The following MACROH2A1 variants were observed in gnomAD, a reference collection of about 807,000 sequenced individuals.
MACROH2A1 encodes the protein macroH2A.1 histone, also known as core histone macro-H2A.1.
A neutral mutation model predicts 31.6 loss-of-function variants in MACROH2A1; 2 were observed. The ratio of observed to expected loss-of-function variants is 0.06; its 90% CI spans 0.03 to 0.20. MACROH2A1 has a LOEUF of 0.20. Among genes scored for constraint, MACROH2A1 ranks in the 10% least tolerant of loss-of-function variants. The pLI, the probability that MACROH2A1 is intolerant of heterozygous loss-of-function variation, is 1.00. For synonymous variants in MACROH2A1, 169 were observed against 189.6 expected (o/e 0.89, Z 0.89); for missense variants, 230 against 474.0 (o/e 0.49, Z 4.78).
chr5:135,383,700 GGTGTGTGTGTGT>G (rs61338247), intron 2 of MACROH2A1, among the ~76,000 whole-genome samples: 6,544 of 137,202 alleles, frequency 0.048, 180 homozygotes, highest in African/African-American at 0.079. Context: ...GATGTGGTGT[GGTGTGTGTGTGT>G]GTGTGTGTGT....
At chr5:135,388,893 G>A (rs1258633933) in intron 2 of MACROH2A1, 29 bp downstream of exon 2, 1 of 1,545,028 alleles carries the variant, frequency 6.5e-7, no homozygotes, top group Non-Finnish European at 8.8e-7. Context: ...TTAAGCCAGT[G>A]GTGTCTGGGT....
At chr5:135,390,467 A>T (rs1402145172) in intron 1 of MACROH2A1, among the ~76,000 whole-genome samples, 2 of 152,220 alleles carry the variant, frequency 1.3e-5, no homozygotes, top group Non-Finnish European at 2.9e-5. Context: ...GAAAAAGACA[A>T]TAAATAACCC....
chr5:135,352,185 A>G (rs1161716149), intron 6 of MACROH2A1, among the ~76,000 whole-genome samples: 1 of 152,256 alleles, frequency 6.6e-6, no homozygotes, highest in Non-Finnish European at 1.5e-5. Flanking sequence ...TCCCCTGGCA[A>G]GCCTCTACAT....
rs376708206 is a variant in MACROH2A1 at position 135,369,359 on chromosome 5, C to T, written c.477+47G>A. 56 of 1,495,310 alleles carry T rather than the reference C, an allele frequency of 3.7e-5. No homozygotes were observed. Among genetic ancestry groups the T allele is most frequent in the Admixed American group, 2.0e-4 (12 of 59,596 alleles). The allele number at this position is 1,495,310 out of a possible 1,614,324, so 92.6% of individuals were successfully genotyped here. ...GGGTGCCCTGGTAACCCTGTTTATC[C>T]GTACCCCATCCTATCCCACTTCATA... On this transcript the variant is annotated intron_variant, in intron 4 of 8. Transcript: ENST00000511689. The surrounding 1 kb of genome is among the most constrained non-coding windows in gnomAD (Gnocchi z 4.3).
chr5:135,381,076 G>A (rs1765594951), intron 2 of MACROH2A1, among the ~76,000 whole-genome samples: 1 of 152,202 alleles, frequency 6.6e-6, no homozygotes, highest in African/African-American at 2.4e-5. Flanking sequence ...AGCACTAATT[G>A]TATCTAGAAA....
chr5:135,343,238 C>G, intron 8 of MACROH2A1, 22 bp downstream of exon 8: 1 of 1,613,262 alleles, frequency 6.2e-7, no homozygotes, highest in Non-Finnish European at 8.5e-7. Context: ...ATGACCGATA[C>G]GTAACAAGCA....
At chr5:135,370,469 G>T (rs1330111198) in intron 2 of MACROH2A1, among the ~76,000 whole-genome samples, 6 of 152,218 alleles carry the variant, frequency 3.9e-5, no homozygotes, top group Admixed American at 3.9e-4. Context: ...AAGGGTGCTT[G>T]CAGTTAGCAC....
At chr5:135,347,563 G>A (rs1320243026) in intron 6 of MACROH2A1, 1 of 152,286 alleles carries the variant, frequency 6.6e-6, no homozygotes, top group Non-Finnish European at 1.5e-5. Context: ...CACACCTGTT[G>A]CTGCTGCATG....
At position 135,346,038 on chromosome 5, in the gene MACROH2A1, T is replaced by G; in HGVS notation, c.708A>C (p.Lys236Asn). The change falls in exon 7 of 9, where the codon AAA (lysine) becomes AAC (asparagine). Residue 236 changes from lysine to asparagine, a missense_variant. Around this residue, in one of 2 missense-constraint regions of MACROH2A1, gnomAD observed 183 missense variants for 319.3 expected, o/e 0.57. Transcript: ENST00000511689. Reference protein sequence around the residue: ...KDDLGNTLEKKGGKEFVEAVL... With the variant: ...KDDLGNTLEKNGGKEFVEAVL... ...CAGCTTCCACAAACTCCTTGCCACC[T>G]TTCTTCTCCAGCGTGTTTCCTAGAC... The G allele has an allele frequency of 6.2e-7, 1 of 1,613,706 alleles. No homozygotes were observed. Among genetic ancestry groups the G allele is most frequent in the Non-Finnish European group, 8.5e-7 (1 of 1,179,592 alleles).
chr5:135,370,586 T>G (rs1764058529), intron 2 of MACROH2A1, among the ~76,000 whole-genome samples: 1 of 152,232 alleles, frequency 6.6e-6, no homozygotes, highest in Non-Finnish European at 1.5e-5. Flanking sequence ...TGAGGAGGCC[T>G]GTTAAATCTT....
intron 8 of MACROH2A1, chr5:135,337,850 C>A: frequency 1.4e-6 from 1 of 706,748 alleles, no homozygotes; most frequent in Non-Finnish European, 1.8e-6. Flanking sequence ...GCAAGCATTT[C>A]AGGGTTGTTG....
chr5:135,364,569 C>A (rs1436462006), intron 4 of MACROH2A1, among the ~76,000 whole-genome samples: 1 of 152,114 alleles, frequency 6.6e-6, no homozygotes, highest in African/African-American at 2.4e-5. Flanking sequence ...TCCTACAAAC[C>A]CATAAATTTC....
chr5:135,378,369 C>A (rs985893619), intron 2 of MACROH2A1, among the ~76,000 whole-genome samples: 1 of 152,152 alleles, frequency 6.6e-6, no homozygotes, highest in East Asian at 1.9e-4. Flanking sequence ...CCTGCCTGTG[C>A]GCTCTAGACT....
At chr5:135,357,868 C>A in intron 5 of MACROH2A1, 1 of 985,246 alleles carries the variant, frequency 1.0e-6, no homozygotes, top group Non-Finnish European at 1.2e-6. Flanking sequence ...GCTCCTAAGC[C>A]TGGGCCATGC....
At position 135,373,796 on chromosome 5, in the gene MACROH2A1, AGG is replaced by A. The variant is rs1764501446; in HGVS notation, c.173-3656_173-3655del. ...TGCCTCTCCATACTCCTACCACCAT[AGG>A]GTGGGCCCTCAGCCCTGTGGGTAGG... On this transcript the variant is annotated intron_variant, in intron 2 of 8. Coordinates refer to ENST00000511689, the MANE Select transcript of MACROH2A1 (RefSeq NM_138610.3). Among the ~76,000 whole-genome samples the A allele has an allele frequency of 2.0e-5, 3 of 152,340 alleles. No individual in the cohort carries two copies. In the South Asian group the frequency reaches 6.2e-4, roughly 32 times the overall value.
chr5:135,351,485 C>CT (rs1467172874), intron 6 of MACROH2A1: 2 of 142,294 alleles, frequency 1.4e-5, no homozygotes, highest in Non-Finnish European at 3.0e-5. Context: ...GGGCCGATCT[C>CT]TATCAATATT....
intron 8 of MACROH2A1, chr5:135,343,021 C>T (rs529357256): frequency 4.6e-6 from 4 of 878,640 alleles, no homozygotes; most frequent in Non-Finnish European, 6.6e-6. Context: ...CTGGGTTCCC[C>T]TTCTGTGATG....
chr5:135,340,443 T>C (rs1000333243), intron 8 of MACROH2A1, among the ~76,000 whole-genome samples: 1 of 152,180 alleles, frequency 6.6e-6, no homozygotes, highest in African/African-American at 2.4e-5. Context: ...CAAACTAGTA[T>C]TCCCTATGTA....
At chr5:135,375,376 TTTTTGAC>T (rs1317013861) in intron 2 of MACROH2A1, among the ~76,000 whole-genome samples, 1 of 152,240 alleles carries the variant, frequency 6.6e-6, no homozygotes, top group Non-Finnish European at 1.5e-5. Flanking sequence ...TTTGGCAGCC[TTTTTGAC>T]TACAGACCAG....
Sources: allele counts gnomAD v4.1 joint callset (sites outside exome capture counted in the v4.1 genomes callset), GRCh38; gene constraint gnomAD v4.1.1; regional missense constraint gnomAD v4.1.1; non-coding constraint Gnocchi (gnomAD v3.1); transcripts MANE v1.5; gene names NCBI Gene and HGNC (gene_info 2026-07-23, HGNC 2026-07-21).